NHERF1: variants seen among roughly 807,000 people sequenced by gnomAD.
NHERF1 encodes Na(+)/H(+) exchange regulatory cofactor NHE-RF1.
the NHERF1 span, chr17:74,768,376 C>A: frequency 6.8e-7 from 1 of 1,472,784 alleles, no homozygotes. Flanking sequence ...TCCCTGGGCA[C>A]GGCCCCAACG....
the NHERF1 span, chr17:74,767,068 A>C: frequency 8.2e-7 from 1 of 1,222,214 alleles, no homozygotes; most frequent in Non-Finnish European, 1.2e-6. Context: ...TAGCCATCTG[A>C]CTAAGGCCAA....
At chr17:74,763,669 A>AG in the NHERF1 span, 1 of 799,766 alleles carries the variant, frequency 1.3e-6, no homozygotes, top group Non-Finnish European at 2.0e-6. Context: ...GGAGGCCCAG[A>AG]GGTGTGGGCT....
chr17:74,753,577 G>T, the NHERF1 span, among the ~76,000 whole-genome samples: 1 of 152,180 alleles, frequency 6.6e-6, no homozygotes. Context: ...TTCTGGAGAT[G>T]ATTCTCTTGG....
the NHERF1 span, chr17:74,763,513 C>T: frequency 1.3e-6 from 2 of 1,592,844 alleles, no homozygotes; most frequent in Admixed American, 1.8e-5. Flanking sequence ...CTCAGGAGCA[C>T]CTGAATGGTA....
At chr17:74,765,636 C>T in the NHERF1 span, among the ~76,000 whole-genome samples, 1 of 151,714 alleles carries the variant, frequency 6.6e-6, no homozygotes, top group Non-Finnish European at 1.5e-5. Context: ...ACTGCAACCT[C>T]CACCTCCTGG....
At chr17:74,759,813 A>AGAC in the NHERF1 span, among the ~76,000 whole-genome samples, 1 of 152,138 alleles carries the variant, frequency 6.6e-6, no homozygotes, top group East Asian at 1.9e-4. Flanking sequence ...TGGAAGGAGG[A>AGAC]CAGGTTCCAA....
the NHERF1 span, among the ~76,000 whole-genome samples, chr17:74,760,841 GC>G: frequency 6.6e-6 from 1 of 152,190 alleles, no homozygotes; most frequent in South Asian, 2.1e-4. This position sits in a 1 kb window ranked among gnomAD's most constrained non-coding sequence, Gnocchi z 4.5. Context: ...TAAATGACCT[GC>G]CCCAGGTCAC....
chr17:74,749,081 A>C, the NHERF1 span: 1 of 1,590,164 alleles, frequency 6.3e-7, no homozygotes, highest in Non-Finnish European at 8.5e-7. This position sits in a 1 kb window ranked among gnomAD's most constrained non-coding sequence, Gnocchi z 5.6. Context: ...GGTGAGCCGC[A>C]TCCGCGCCGC....
At chr17:74,768,203 G>C in the NHERF1 span, 1 of 1,613,712 alleles carries the variant, frequency 6.2e-7, no homozygotes, top group South Asian at 1.1e-5. Flanking sequence ...GGCCAGCCCT[G>C]GTGAGATCCG....
the NHERF1 span, chr17:74,761,989 T>C: frequency 1.9e-6 from 3 of 1,613,344 alleles, no homozygotes; most frequent in Admixed American, 3.3e-5. This position sits in a 1 kb window ranked among gnomAD's most constrained non-coding sequence, Gnocchi z 4.3. Flanking sequence ...GGAATAGCCA[T>C]GGACCCTCCC....
chr17:74,748,825 C>G, the NHERF1 span: 2 of 1,576,616 alleles, frequency 1.3e-6, no homozygotes, highest in Non-Finnish European at 1.7e-6. The surrounding 1 kb of genome is among the most constrained non-coding windows in gnomAD (Gnocchi z 4.3). Flanking sequence ...CAAGTCGCGC[C>G]GCTGACCCGT....
chr17:74,766,458 C>T, the NHERF1 span, among the ~76,000 whole-genome samples: 1 of 152,108 alleles, frequency 6.6e-6, no homozygotes, highest in Non-Finnish European at 1.5e-5. Flanking sequence ...GTGCCTCGGC[C>T]TCCCAAAGTG....
chr17:74,768,739 A>AT, the NHERF1 span: 4 of 1,241,530 alleles, frequency 3.2e-6, no homozygotes, highest in South Asian at 4.9e-5. Flanking sequence ...TACTCCCCTG[A>AT]ATCAATGTAC....
chr17:74,759,788 C>T, the NHERF1 span, among the ~76,000 whole-genome samples: 10 of 152,340 alleles, frequency 6.6e-5, no homozygotes, highest in East Asian at 1.7e-3. Flanking sequence ...CCTTAAGGAG[C>T]ACCCTGCAGT....
At chr17:74,766,840 A>G in the NHERF1 span, 1 of 1,147,278 alleles carries the variant, frequency 8.7e-7, no homozygotes. Flanking sequence ...CCCAGGGAAC[A>G]AGATCTAATA....
chr17:74,761,141 G>A, the NHERF1 span, among the ~76,000 whole-genome samples: 1 of 152,206 alleles, frequency 6.6e-6, no homozygotes, highest in Non-Finnish European at 1.5e-5. The surrounding 1 kb of genome is among the most constrained non-coding windows in gnomAD (Gnocchi z 4.3). Context: ...GTTTTCAGCT[G>A]AGTCCAAGCA....
the NHERF1 span, among the ~76,000 whole-genome samples, chr17:74,759,298 G>GT: frequency 1.3e-5 from 2 of 152,244 alleles, no homozygotes; most frequent in African/African-American, 4.8e-5. Context: ...CTCAGGCTGG[G>GT]TACCCTGTTT....
the NHERF1 span, among the ~76,000 whole-genome samples, chr17:74,755,019 G>C: frequency 6.6e-6 from 1 of 152,182 alleles, no homozygotes; most frequent in Non-Finnish European, 1.5e-5. Context: ...AGGACTCTGA[G>C]CTAGCGACTC....
the NHERF1 span, among the ~76,000 whole-genome samples, chr17:74,767,779 C>T: frequency 1.7e-4 from 26 of 152,264 alleles, no homozygotes; most frequent in East Asian, 4.4e-3. Flanking sequence ...ACATGGGCTC[C>T]CCATGCCCCC....
Sources: allele counts gnomAD v4.1 joint callset (sites outside exome capture counted in the v4.1 genomes callset), GRCh38; gene constraint gnomAD v4.1.1; non-coding constraint Gnocchi (gnomAD v3.1); transcripts MANE v1.5; gene names NCBI Gene and HGNC (gene_info 2026-07-23, HGNC 2026-07-21).